FHIT: variants seen among roughly 807,000 people sequenced by gnomAD.
FHIT encodes bis(5'-adenosyl)-triphosphatase.
A neutral mutation model predicts 17.9 loss-of-function variants in FHIT; 19 were observed. That is an observed-to-expected ratio of 1.06 (90% confidence interval 0.74 to 1.56). The LOEUF is 1.56. Ranked by LOEUF, FHIT falls within the 40% of genes most tolerant of loss-of-function variation. The probability of loss-of-function intolerance (pLI) is 0.00; values close to 1 mark genes in which losing one functional copy is unlikely to be tolerated. For missense variants in FHIT, 248 were observed against 189.2 expected, an observed-to-expected ratio of 1.31 and a Z score of -1.82; for synonymous variants, 81 against 69.7, an observed-to-expected ratio of 1.16 and a Z score of -0.81.
chr3:60,502,670 A>G (rs2034570448), intron 5 of FHIT, among the ~76,000 whole-genome samples: 2 of 152,190 alleles, frequency 1.3e-5, no homozygotes, highest in African/African-American at 2.4e-5. Flanking sequence ...TAAGCACTCA[A>G]TAGAACAGAC....
chr3:60,404,705 C>T (rs1390229547), intron 5 of FHIT, among the ~76,000 whole-genome samples: 1 of 152,132 alleles, frequency 6.6e-6, no homozygotes, highest in Non-Finnish European at 1.5e-5. Context: ...TATAGGAACA[C>T]TGAAAGAATA....
chr3:60,913,044 T>A (rs376607167), intron 3 of FHIT, among the ~76,000 whole-genome samples: 1 of 152,220 alleles, frequency 6.6e-6, no homozygotes, highest in African/African-American at 2.4e-5. Context: ...TGTTTCACAA[T>A]GAAGCACTCT....
intron 3 of FHIT, among the ~76,000 whole-genome samples, chr3:61,027,946 A>T (rs1285073701): frequency 6.6e-6 from 1 of 152,164 alleles, no homozygotes; most frequent in Non-Finnish European, 1.5e-5. Context: ...ACACATACAC[A>T]TATTTTTCCT....
chr3:60,569,235 G>A (rs2037250080), intron 4 of FHIT, among the ~76,000 whole-genome samples: 1 of 152,022 alleles, frequency 6.6e-6, no homozygotes, highest in Non-Finnish European at 1.5e-5. Flanking sequence ...AGAACAGTTG[G>A]TTTTGAATTT....
At chr3:60,875,276 C>T (rs1447728310) in intron 3 of FHIT, among the ~76,000 whole-genome samples, 1 of 151,446 alleles carries the variant, frequency 6.6e-6, no homozygotes, top group Non-Finnish European at 1.5e-5. Flanking sequence ...TGTGTAGATA[C>T]TGGATTCCCC....
chr3:60,986,584 CAA>C (rs772455248), intron 3 of FHIT, among the ~76,000 whole-genome samples: 9 of 152,196 alleles, frequency 5.9e-5, no homozygotes, highest in Non-Finnish European at 1.0e-4. Flanking sequence ...TCCCAAATTT[CAA>C]ATTTCTCTAT....
intron 5 of FHIT, among the ~76,000 whole-genome samples, chr3:60,161,362 T>C (rs1395606691): frequency 6.6e-6 from 1 of 152,186 alleles, no homozygotes; most frequent in Non-Finnish European, 1.5e-5. Context: ...CCTGAATAAA[T>C]GTTTAATTTC....
rs1329985829 is a variant in FHIT at position 60,109,026 on chromosome 3, A to C, written c.104-94874T>G. Among the ~76,000 whole-genome samples, 3 of 152,114 alleles carry C rather than the reference A, an allele frequency of 2.0e-5. No individual in the cohort carries two copies. In the East Asian group the frequency reaches 5.8e-4, roughly 29 times the overall value. On this transcript the variant is annotated intron_variant, in intron 5 of 9. Transcript: ENST00000492590. Reference sequence around the variant, plus strand: ...ATCTGGTAATTTTCTTTTTCACACCAGATAAGCAGAGCTGGTTTCTGCATT... The same window carrying C: ...ATCTGGTAATTTTCTTTTTCACACCCGATAAGCAGAGCTGGTTTCTGCATT...
chr3:60,683,972 A>G lies in FHIT; in HGVS notation c.-18+137947T>C, dbSNP rs149734105. Among the ~76,000 whole-genome samples, 643 of 152,130 alleles carry G rather than the reference A, an allele frequency of 4.2e-3. 7 individuals are homozygous for G. The highest frequency in any genetic ancestry group is 0.017 in the Middle Eastern group (5 of 294). On this transcript the variant is annotated intron_variant, in intron 4 of 9. Coordinates refer to ENST00000492590, the MANE Select transcript of FHIT (RefSeq NM_002012.4). ...CTTGTTTGTTTGTTTTCTATTTTAC[A>G]TGTCTCATTTAATCCTGGAAAAATG...
intron 5 of FHIT, among the ~76,000 whole-genome samples, chr3:60,363,043 A>C (rs1699965886): frequency 6.6e-6 from 1 of 152,226 alleles, no homozygotes; most frequent in Non-Finnish European, 1.5e-5. Flanking sequence ...GTGGATGTTC[A>C]TTATAGGAGC....
At chr3:61,207,936 T>A (rs1391840646) in intron 1 of FHIT, among the ~76,000 whole-genome samples, 1 of 152,232 alleles carries the variant, frequency 6.6e-6, no homozygotes, top group Non-Finnish European at 1.5e-5. Flanking sequence ...TTTCCTGCTT[T>A]CTTTTGTGGG....
intron 8 of FHIT, among the ~76,000 whole-genome samples, chr3:59,878,308 A>G (rs1575630398): frequency 1.3e-5 from 2 of 152,280 alleles, no homozygotes; most frequent in Middle Eastern, 6.8e-3. Context: ...TGTGAGTCAT[A>G]AGACAGTTCA....
chr3:60,045,796 G>C (rs1701629487), intron 5 of FHIT, among the ~76,000 whole-genome samples: 1 of 152,130 alleles, frequency 6.6e-6, no homozygotes, highest in African/African-American at 2.4e-5. Flanking sequence ...TGATTTCCAA[G>C]TCTCTGGATC....
intron 2 of FHIT, among the ~76,000 whole-genome samples, chr3:61,181,511 G>C (rs1040081752): frequency 5.3e-5 from 8 of 152,078 alleles, no homozygotes; most frequent in South Asian, 2.1e-4. Context: ...AGAATCACAG[G>C]GCTGAAGAGA....
chr3:60,147,016 C>T (rs530700015), intron 5 of FHIT, among the ~76,000 whole-genome samples: 2 of 152,138 alleles, frequency 1.3e-5, no homozygotes, highest in African/African-American at 2.4e-5. Flanking sequence ...CATTTTGACA[C>T]GCAATCCTTT....
chr3:60,212,261 C>T (rs768281257), intron 5 of FHIT, among the ~76,000 whole-genome samples: 8 of 152,134 alleles, frequency 5.3e-5, no homozygotes, highest in Non-Finnish European at 8.8e-5. Flanking sequence ...TCCAGTCACA[C>T]CCTTATTTTC....
At chr3:60,436,703 G>C (rs1349815420) in intron 5 of FHIT, among the ~76,000 whole-genome samples, 1 of 152,088 alleles carries the variant, frequency 6.6e-6, no homozygotes, top group East Asian at 1.9e-4. Context: ...TGCCTTCATG[G>C]AGTCTATATT....
chr3:61,113,476 T>C (rs1195774993), intron 2 of FHIT, among the ~76,000 whole-genome samples: 1 of 152,220 alleles, frequency 6.6e-6, no homozygotes, highest in Non-Finnish European at 1.5e-5. Context: ...TGGTTCTTTC[T>C]CTGGGAAAAT....
chr3:61,152,812 T>C (rs1050069734), intron 2 of FHIT, among the ~76,000 whole-genome samples: 18 of 152,126 alleles, frequency 1.2e-4, no homozygotes, highest in African/African-American at 4.3e-4. Flanking sequence ...TGGCTGTGGG[T>C]AGACGAGTTA....
Sources: gnomAD v4.1 joint callset for allele counts (sites outside exome capture counted in the v4.1 genomes callset) on GRCh38, gnomAD v4.1.1 for gene constraint, MANE v1.5 for transcripts, NCBI Gene and HGNC (gene_info 2026-07-23, HGNC 2026-07-21) for gene names.